ANO3: variants seen among roughly 807,000 people sequenced by gnomAD.
ANO3 encodes the protein anoctamin-3.
ANO3 carries 99 observed loss-of-function variants against 144.8 expected under a neutral mutation model. The ratio of observed to expected loss-of-function variants is 0.68; its 90% CI spans 0.58 to 0.81. ANO3 has a LOEUF of 0.81. Among genes scored for constraint, ANO3 ranks in the 30% least tolerant of loss-of-function variants. The pLI, the probability that ANO3 is intolerant of heterozygous loss-of-function variation, is 0.00. For missense variants in ANO3, 905 were observed against 1,202.2 expected, an observed-to-expected ratio of 0.75 and a Z score of 3.66; for synonymous variants, 414 against 392.6, an observed-to-expected ratio of 1.05 and a Z score of -0.64.
intron 1 of ANO3, among the ~76,000 whole-genome samples, chr11:26,278,868 C>A (rs1212568185): frequency 6.6e-6 from 1 of 151,884 alleles, no homozygotes; most frequent in Admixed American, 6.6e-5. Context: ...TGTGTGTGTG[C>A]ATGTGTGTGT....
rs183607919 is a variant in ANO3 at position 26,617,863 on chromosome 11, C to G, written c.1837-6599C>G. On this transcript the variant is annotated intron_variant, in intron 17 of 26. Transcript: ENST00000256737. Reference sequence around the variant, plus strand: ...TTCTATTCAGGATGTTAAAGCACATCACAGATTACTAAATAGCCCTCTGAT... The same window carrying G: ...TTCTATTCAGGATGTTAAAGCACATGACAGATTACTAAATAGCCCTCTGAT... 7.9e-5 allele frequency among the ~76,000 whole-genome samples: 12 copies of G among 152,266 alleles called. No individual in the cohort carries two copies. In the East Asian group the frequency reaches 2.3e-3, roughly 29 times the overall value.
In ANO3 at chr11:26,215,453, A is replaced by AT. The variant is rs950324082; in HGVS notation, c.154+26132dup. Among the ~76,000 whole-genome samples the AT allele has an allele frequency of 1.3e-4, 20 of 151,302 alleles. No individual in the cohort carries two copies. The East Asian group carries it at 2.3e-3, about 18-fold the overall frequency. On this transcript the variant is annotated intron_variant, in intron 1 of 27. Coordinates refer to the ANO3 transcript ENST00000672621. ...TTGAACTGCCACTATCATTGTGAAGATTTTTTTTTCCCCCTATTGGGACAT... is the reference window on the plus strand; with the variant it reads ...TTGAACTGCCACTATCATTGTGAAGATTTTTTTTTTCCCCCTATTGGGACAT...
intron 1 of ANO3, among the ~76,000 whole-genome samples, chr11:26,374,207 T>C (rs1056105035): frequency 1.3e-5 from 2 of 152,216 alleles, no homozygotes; most frequent in African/African-American, 4.8e-5. Flanking sequence ...TCTCAGTTTC[T>C]TTCTCATTTC....
intron 14 of ANO3, among the ~76,000 whole-genome samples, chr11:26,566,386 T>C (rs533771331): frequency 6.6e-6 from 1 of 151,986 alleles, no homozygotes; most frequent in Non-Finnish European, 1.5e-5. Context: ...TGACTATACA[T>C]TAAATGCACC....
At chr11:26,264,404 T>C (rs559165134) in intron 1 of ANO3, among the ~76,000 whole-genome samples, 15 of 152,264 alleles carry the variant, frequency 9.9e-5, no homozygotes, top group African/African-American at 3.6e-4. Context: ...ACACAAGTAA[T>C]ACAGCAAAGG....
intron 14 of ANO3, chr11:26,567,194 T>C (rs1850622971): frequency 1.8e-6 from 2 of 1,138,926 alleles, no homozygotes; most frequent in Non-Finnish European, 2.3e-6. Flanking sequence ...CCAATCTCAT[T>C]AGAGGCTAAA....
At chr11:26,215,200 A>C (rs1419546875) in intron 1 of ANO3, among the ~76,000 whole-genome samples, 1 of 151,984 alleles carries the variant, frequency 6.6e-6, no homozygotes. Context: ...ACATTTAAGG[A>C]ATAGAGAGTT....
At chr11:26,249,679 T>A (rs1852882261) in intron 1 of ANO3, among the ~76,000 whole-genome samples, 1 of 152,016 alleles carries the variant, frequency 6.6e-6, no homozygotes. Context: ...GTTTATAAAT[T>A]TGTACAAATT....
At chr11:26,344,760 C>T (rs1352700555) in intron 1 of ANO3, among the ~76,000 whole-genome samples, 1 of 152,078 alleles carries the variant, frequency 6.6e-6, no homozygotes, top group Non-Finnish European at 1.5e-5. Flanking sequence ...CACAGTACTC[C>T]AAGATAACTG....
At chr11:26,278,349 A>G (rs977118249) in intron 1 of ANO3, among the ~76,000 whole-genome samples, 9 of 152,130 alleles carry the variant, frequency 5.9e-5, no homozygotes, top group Admixed American at 5.2e-4. Flanking sequence ...ACCCTATTAA[A>G]CCAGTATTAG....
chr11:26,288,784 G>A (rs1211949444), intron 1 of ANO3, among the ~76,000 whole-genome samples: 1 of 151,768 alleles, frequency 6.6e-6, no homozygotes, highest in Admixed American at 6.6e-5. Context: ...AGTCAACACT[G>A]GCATTTTTAA....
At chr11:26,237,340 G>C (rs1852555112) in intron 1 of ANO3, among the ~76,000 whole-genome samples, 1 of 151,900 alleles carries the variant, frequency 6.6e-6, no homozygotes, top group Non-Finnish European at 1.5e-5. Flanking sequence ...TGGTAATTGA[G>C]ATTTGATTAC....
chr11:26,302,634 T>C lies in ANO3; in HGVS notation c.155-7011T>C, dbSNP rs576930034. Among the ~76,000 whole-genome samples the C allele has an allele frequency of 1.6e-4, 25 of 152,240 alleles. 1 individual carries two copies. The Middle Eastern group carries it at 0.014, about 83-fold the overall frequency. On this transcript the variant is annotated intron_variant, in intron 1 of 27. Transcript: ENST00000672621. ...TTTACCATTATAGAAAAAATATAAA[T>C]AACAAAGTACAAATGCATAAATACT...
At chr11:26,319,005 C>T (rs1331715120) in intron 1 of ANO3, among the ~76,000 whole-genome samples, 1 of 151,998 alleles carries the variant, frequency 6.6e-6, no homozygotes, top group Non-Finnish European at 1.5e-5. Flanking sequence ...GAGACAGGGT[C>T]TTACTCTGTT....
intron 1 of ANO3, among the ~76,000 whole-genome samples, chr11:26,334,248 G>A (rs908474772): frequency 1.3e-5 from 2 of 152,192 alleles, no homozygotes; most frequent in African/African-American, 4.8e-5. Flanking sequence ...GGAGTACTCC[G>A]GTAGGAAGGA....
chr11:26,248,354 A>G (rs573623739), intron 1 of ANO3, among the ~76,000 whole-genome samples: 5 of 152,188 alleles, frequency 3.3e-5, no homozygotes, highest in South Asian at 4.2e-4. Context: ...AAAAGAAATA[A>G]AAAAAGAAAG....
intron 1 of ANO3, among the ~76,000 whole-genome samples, chr11:26,278,195 G>A (rs932199042): frequency 9.2e-5 from 14 of 152,088 alleles, no homozygotes; most frequent in African/African-American, 2.9e-4. Flanking sequence ...TGGCTAATCA[G>A]AGCATCATAT....
At position 26,276,526 on chromosome 11, in the gene ANO3, T is replaced by C. The variant is rs541731237; in HGVS notation, c.155-33119T>C. 1.0e-3 allele frequency among the ~76,000 whole-genome samples: 159 copies of C among 152,266 alleles called. 1 individual carries two copies. Among genetic ancestry groups the C allele is most frequent in the Non-Finnish European group, 1.8e-3 (123 of 68,008 alleles). On this transcript the variant is annotated intron_variant, in intron 1 of 27. Transcript: ENST00000672621. ...TAGGATGGTCATGCTGGTGTTCAAA[T>C]AGGGATCCGTTTCTAAACAAATAAA...
intron 1 of ANO3, among the ~76,000 whole-genome samples, chr11:26,363,829 C>CA (rs11424661): frequency 0.55 from 81,474 of 147,694 alleles, 22,724 homozygotes; most frequent in East Asian, 0.69. Context: ...ATACATACTG[C>CA]AAAAAAAAAA....
Sources: allele counts gnomAD v4.1 joint callset (sites outside exome capture counted in the v4.1 genomes callset), GRCh38; gene constraint gnomAD v4.1.1; transcripts MANE v1.5; gene names NCBI Gene and HGNC (gene_info 2026-07-23, HGNC 2026-07-21).